Variants in BMP7 observed in about 807,000 individuals in gnomAD.
BMP7 encodes the protein bone morphogenetic protein 7.
In BMP7, 12 loss-of-function variants were observed where a neutral mutation model predicts 41.2. That is an observed-to-expected ratio of 0.29 (90% confidence interval 0.19 to 0.47). The LOEUF is 0.47. Among genes scored for constraint, BMP7 ranks in the 20% least tolerant of loss-of-function variants. BMP7 has a pLI of 0.99. For missense variants in BMP7, 467 were observed against 606.0 expected, an observed-to-expected ratio of 0.77 and a Z score of 2.41; for synonymous variants, 248 against 250.0, an observed-to-expected ratio of 0.99 and a Z score of 0.07.
chr20:57,179,545 G>A (rs1394097244), intron 4 of BMP7, among the ~76,000 whole-genome samples: 2 of 152,232 alleles, frequency 1.3e-5, no homozygotes, highest in South Asian at 2.1e-4. Flanking sequence ...GGGGGCTGGC[G>A]GGCAGGAAAG....
At chr20:57,248,297 C>T (rs529938433) in intron 1 of BMP7, among the ~76,000 whole-genome samples, 90 of 152,340 alleles carry the variant, frequency 5.9e-4, no homozygotes, top group South Asian at 4.8e-3. Flanking sequence ...AATGTGGCCA[C>T]CCAACAACCA....
chr20:57,223,423 G>T (rs949035609), intron 2 of BMP7, among the ~76,000 whole-genome samples: 14 of 152,100 alleles, frequency 9.2e-5, no homozygotes, highest in Non-Finnish European at 1.3e-4. Flanking sequence ...TGATTCTATT[G>T]CACAGCCAAG....
At position 57,266,089 on chromosome 20, in the gene BMP7, G is replaced by A; in HGVS notation, c.34C>T (p.His12Tyr). Residue 12 changes from histidine (H) to tyrosine (Y), a missense_variant, in exon 1 of 7, where the codon CAC (histidine) becomes TAC (tyrosine). This residue lies in a region of BMP7 where 407 missense variants were observed against 485.9 expected (regional missense o/e 0.84). Coordinates refer to ENST00000395863, the MANE Select transcript of BMP7 (RefSeq NM_001719.3). ...GGTGCCCAGAGCGCCACGAAGCTGTGCGGCGCCGCAGCTCGCAGTGAGCGC... is the reference window on the plus strand; with the variant it reads ...GGTGCCCAGAGCGCCACGAAGCTGTACGGCGCCGCAGCTCGCAGTGAGCGC... ...HVRSLRAAAPHSFVALWAPLF... is the reference protein window; with the variant it reads ...HVRSLRAAAPYSFVALWAPLF... 1.3e-6 allele frequency: 2 copies of A among 1,537,212 alleles called. No individual in the cohort carries two copies. The highest frequency in any genetic ancestry group is 1.7e-6 in the Non-Finnish European group (2 of 1,146,528).
In BMP7 at chr20:57,266,487, G is replaced by A; in HGVS notation, c.-365C>T. Reference sequence around the variant, plus strand: ...AGCGAGGAGGCAGGCGGGCGGGCGAGCGCTCCTTCTTCCCGCTCCTCTGGC... The same window carrying A: ...AGCGAGGAGGCAGGCGGGCGGGCGAACGCTCCTTCTTCCCGCTCCTCTGGC... On this transcript the variant is annotated 5_prime_UTR_variant, in exon 1 of 7. Transcript: ENST00000395863. The A allele has an allele frequency of 6.0e-6, 1 of 165,828 alleles. No homozygotes were observed. The allele number at this position is 165,828 out of a possible 1,614,324, so 10.3% of individuals were successfully genotyped here. A position where few individuals can be genotyped will look rare whatever the true frequency, so the allele number is the denominator to read the frequency against.
intron 1 of BMP7, among the ~76,000 whole-genome samples, chr20:57,237,442 C>T (rs946338963): frequency 9.2e-5 from 14 of 152,182 alleles, no homozygotes; most frequent in Non-Finnish European, 1.8e-4. Flanking sequence ...GCTGACTTAT[C>T]CCGGCTGCTG....
At chr20:57,240,294 T>C (rs2066063921) in intron 1 of BMP7, among the ~76,000 whole-genome samples, 1 of 152,212 alleles carries the variant, frequency 6.6e-6, no homozygotes, top group Non-Finnish European at 1.5e-5. Context: ...GCCGTCAGGC[T>C]CTTTGCTAAA....
At chr20:57,195,433 A>C (rs1446844113) in intron 3 of BMP7, among the ~76,000 whole-genome samples, 1 of 152,162 alleles carries the variant, frequency 6.6e-6, no homozygotes, top group Non-Finnish European at 1.5e-5. Flanking sequence ...GCCTGGCCCC[A>C]ATTACCCAAT....
At position 57,170,807 on chromosome 20, in the gene BMP7, G is replaced by A; in HGVS notation, c.*152C>T. ...AAAAACTGATCAAAAGCCATATGCT[G>A]CTCATGTTTCCTAATACTCTCACAC... On this transcript the variant is annotated 3_prime_UTR_variant, in exon 7 of 7. Transcript: ENST00000395863. 1 of 992,266 alleles carries A rather than the reference G, an allele frequency of 1.0e-6. No individual in the cohort carries two copies. Among genetic ancestry groups the A allele is most frequent in the Non-Finnish European group, 1.5e-6 (1 of 656,926 alleles). 61.5% of individuals were successfully genotyped at this position (992,266 alleles called of 1,614,324 possible).
intron 1 of BMP7, among the ~76,000 whole-genome samples, chr20:57,249,200 G>C (rs1250856891): frequency 6.6e-6 from 1 of 151,948 alleles, no homozygotes; most frequent in East Asian, 1.9e-4. Flanking sequence ...TGTCCCAGAG[G>C]GTGTTATAGG....
intron 2 of BMP7, among the ~76,000 whole-genome samples, chr20:57,223,352 G>A (rs1985236317): frequency 6.6e-6 from 1 of 152,202 alleles, no homozygotes; most frequent in African/African-American, 2.4e-5. Flanking sequence ...TCACCTGGGA[G>A]CTTTTAAAGC....
intron 4 of BMP7, among the ~76,000 whole-genome samples, chr20:57,179,255 C>T (rs1051137831): frequency 2.6e-5 from 4 of 152,210 alleles, no homozygotes; most frequent in African/African-American, 9.7e-5. Context: ...CTCCCCTGTC[C>T]GTCCAAGCCT....
Position 57,174,948 on chromosome 20 carries a change from G to A in BMP7, c.1018C>T (p.Arg340Ter), listed in dbSNP as rs769591631. 1.2e-6 allele frequency: 2 copies of A among 1,611,944 alleles called. No individual in the cohort carries two copies. Among genetic ancestry groups the A allele is most frequent in the Admixed American group, 1.7e-5 (1 of 60,000 alleles). ...CKKHELYVSF[R>*]DLGWQDWIIA... ...CCCCTTACCTGCCAGCCCAGGTCTC[G>A]GAAGCTGACATACAGCTCGTGCTTC... is the stretch of plus-strand genomic sequence containing the variant. Residue 340 changes from arginine (R) to a stop codon, truncating the protein, a stop_gained, in exon 5 of 7, where the codon CGA becomes TGA. Transcript: ENST00000395863. LOFTEE classifies it high-confidence loss of function. This position sits in a 1 kb window ranked among gnomAD's most constrained non-coding sequence, Gnocchi z 4.3.
Position 57,171,057 on chromosome 20 carries a change from G to T in BMP7, c.1198C>A (p.Gln400Lys). Reference protein sequence around the residue: ...TVPKPCCAPTQLNAISVLYFD... With the variant: ...TVPKPCCAPTKLNAISVLYFD... ...TAGAGGACGGAGATGGCATTGAGCTGCGTGGGCGCACAGCAGGGCTTGGGC... is the reference window on the plus strand; with the variant it reads ...TAGAGGACGGAGATGGCATTGAGCTTCGTGGGCGCACAGCAGGGCTTGGGC... The change falls in exon 7 of 7, where the codon CAG (glutamine) becomes AAG (lysine). Residue 400 changes from glutamine to lysine, a missense_variant. By Grantham distance (53) the Gln-to-Lys change is moderately conservative. Coordinates refer to ENST00000395863, the MANE Select transcript of BMP7 (RefSeq NM_001719.3). The surrounding 1 kb of genome is among the most constrained non-coding windows in gnomAD (Gnocchi z 4.5). The T allele has an allele frequency of 3.7e-6, 6 of 1,614,234 alleles. No homozygotes were observed. The highest frequency in any genetic ancestry group is 5.1e-6 in the Non-Finnish European group (6 of 1,180,046).
intron 2 of BMP7, 101 bp from the exon 3 acceptor site, chr20:57,202,724 G>A (rs1984652394): frequency 3.7e-5 from 17 of 454,242 alleles, no homozygotes; most frequent in East Asian, 1.9e-4. Flanking sequence ...GGAGGGGAGG[G>A]AAAGAGTCCA....
At chr20:57,216,882 T>C (rs230206) in intron 2 of BMP7, among the ~76,000 whole-genome samples, 99,745 of 152,040 alleles carry the variant, frequency 0.66, 33,707 homozygotes, top group African/African-American at 0.82. Context: ...GCTGTCTACA[T>C]TCATGGCAGG....
chr20:57,228,261 G>A lies in BMP7; in HGVS notation c.579C>T (p.Ser193=), dbSNP rs544225288. 6 of 1,613,940 alleles carry A rather than the reference G, an allele frequency of 3.7e-6. No homozygotes were observed. The highest frequency in any genetic ancestry group is 4.2e-6 in the Non-Finnish European group (5 of 1,180,032). The change falls in exon 2 of 7, where the codon AGC becomes AGT. Residue 193 remains serine (S), a synonymous_variant. Transcript: ENST00000395863. The surrounding 1 kb of genome is among the most constrained non-coding windows in gnomAD (Gnocchi z 4.5). ...ERFDNETFRI[S]VYQVLQEHLG... is the part of the protein sequence containing the mutation. ...AGTGCTCCTGGAGCACCTGATAAAC[G>A]CTGATCCGGAACGTCTCATTGTCGA... is the stretch of plus-strand genomic sequence containing the variant.
chr20:57,225,201 A>G (rs528868428), intron 2 of BMP7, among the ~76,000 whole-genome samples: 1 of 152,318 alleles, frequency 6.6e-6, no homozygotes, highest in African/African-American at 2.4e-5. Context: ...GGGACATGCA[A>G]AGAAAAAGCC....
rs996443347 is a variant in BMP7 at position 57,213,888 on chromosome 20, G to A, written c.612-11265C>T. ...TAGCCATGAGGATTGTTCTGAGAAT[G>A]AGTTAAATGGAAAGATATGCTCAAG... On this transcript the variant is annotated intron_variant, in intron 2 of 6. Coordinates refer to ENST00000395863, the MANE Select transcript of BMP7 (RefSeq NM_001719.3). The surrounding 1 kb of genome is among the most constrained non-coding windows in gnomAD (Gnocchi z 4.4). 2.0e-5 allele frequency among the ~76,000 whole-genome samples: 3 copies of A among 152,224 alleles called. No individual in the cohort carries two copies. The highest frequency in any genetic ancestry group is 1.3e-4 in the Admixed American group (2 of 15,282).
chr20:57,176,750 T>TCACACACACACA (rs60465573), intron 4 of BMP7, among the ~76,000 whole-genome samples: 5,373 of 135,344 alleles, frequency 0.04, 155 homozygotes, highest in East Asian at 0.078. Context: ...CATTCTCCAT[T>TCACACACACACA]CACACACACA....
Sources: gnomAD v4.1 joint callset for allele counts (sites outside exome capture counted in the v4.1 genomes callset) on GRCh38, gnomAD v4.1.1 for gene constraint, gnomAD v4.1.1 regional missense constraint, Gnocchi (gnomAD v3.1) non-coding constraint, MANE v1.5 for transcripts, NCBI Gene and HGNC (gene_info 2026-07-23, HGNC 2026-07-21) for gene names.